Variants in FGD4 observed in about 807,000 individuals in gnomAD.
FGD4 encodes the protein FYVE, RhoGEF and PH domain-containing protein 4.
In FGD4, 42 loss-of-function variants were observed where a neutral mutation model predicts 102.0. The ratio of observed to expected loss-of-function variants is 0.41; its 90% CI spans 0.32 to 0.53. FGD4 has a LOEUF of 0.53. FGD4 is among the 20% of genes least tolerant of loss of function. The probability of loss-of-function intolerance (pLI) is 0.21; values close to 1 mark genes in which losing one functional copy is unlikely to be tolerated. For missense variants in FGD4, 902 were observed against 1,078.2 expected (o/e 0.84, Z 2.29); for synonymous variants, 380 against 375.7 (o/e 1.01, Z -0.13).
chr12:32,501,354 T>C (rs957455057), intron 1 of FGD4, among the ~76,000 whole-genome samples: 7 of 152,230 alleles, frequency 4.6e-5, no homozygotes, highest in Non-Finnish European at 8.8e-5. Context: ...TTTTATGTGG[T>C]ATATTTGGTT....
chr12:32,427,783 T>C (rs1435360436), intron 1 of FGD4, among the ~76,000 whole-genome samples: 1 of 152,242 alleles, frequency 6.6e-6, no homozygotes, highest in African/African-American at 2.4e-5. Flanking sequence ...TAGTTAGCTC[T>C]TCTTGTTGAA....
intron 1 of FGD4, among the ~76,000 whole-genome samples, chr12:32,528,216 C>T (rs186600782): frequency 3.9e-4 from 59 of 152,176 alleles, no homozygotes; most frequent in African/African-American, 1.2e-3. Context: ...GGATTACAGG[C>T]GTGAGCCACC....
chr12:32,563,203 A>AG (rs1428914045), intron 1 of FGD4, among the ~76,000 whole-genome samples: 1 of 151,036 alleles, frequency 6.6e-6, no homozygotes, highest in Admixed American at 6.6e-5. Context: ...CACTTCCCAG[A>AG]GGGGGTGGCT....
intron 4 of FGD4, among the ~76,000 whole-genome samples, chr12:32,594,160 C>T (rs372275435): frequency 1.3e-5 from 2 of 152,256 alleles, no homozygotes; most frequent in East Asian, 1.9e-4. Flanking sequence ...AGGGATGTGG[C>T]CTTTTGAGTG....
rs2137119311 is a variant in FGD4, at chr12:32,643,842, C to T, written c.*3309C>T. On this transcript the variant is annotated 3_prime_UTR_variant, in exon 17 of 17. Transcript: ENST00000534526. The stretch of plus-strand genomic sequence containing the variant: ...TTTCCTTGTCCTTACTTTTTGGAAA[C>T]AGGGTGGTTGCTTTTATTTGTTTTC... The T allele has an allele frequency of 6.6e-6, 1 of 152,084 alleles. No homozygotes were observed. Among genetic ancestry groups the T allele is most frequent in the East Asian group, 1.9e-4 (1 of 5,188 alleles). 9.4% of individuals were successfully genotyped at this position (152,084 alleles called of 1,614,324 possible).
At chr12:32,587,187 C>CAA (rs1181469038) in intron 4 of FGD4, among the ~76,000 whole-genome samples, 950 of 65,872 alleles carry the variant, frequency 0.014, 27 homozygotes, top group African/African-American at 0.04. Flanking sequence ...GAGACTCTCT[C>CAA]AAAAAAAAAA....
chr12:32,512,378 T>C (rs7135529), intron 1 of FGD4, among the ~76,000 whole-genome samples: 27,790 of 150,908 alleles, frequency 0.18, 5,324 homozygotes, highest in African/African-American at 0.48. Context: ...ACCTGGGAGA[T>C]GGAGGTTGCG....
intron 4 of FGD4, among the ~76,000 whole-genome samples, chr12:32,594,871 A>G (rs762481263): frequency 2.0e-5 from 3 of 152,004 alleles, no homozygotes; most frequent in Non-Finnish European, 4.4e-5. Context: ...CTCTACTAAA[A>G]CTACAAAAAA....
In FGD4 at chr12:32,415,296, T is replaced by C. The variant is rs556939124; in HGVS notation, c.166+15337T>C. On this transcript the variant is annotated intron_variant, in intron 1 of 16. Coordinates refer to ENST00000534526, the MANE Select transcript of FGD4 (RefSeq NM_001370298.3). Reference sequence around the variant, plus strand: ...CATAAATACTTATTAGGTTCATTTGTTCTATTCTGCAGATTAAGTCTGATA... The same window carrying C: ...CATAAATACTTATTAGGTTCATTTGCTCTATTCTGCAGATTAAGTCTGATA... Among the ~76,000 whole-genome samples, 5 of 152,298 alleles carry C rather than the reference T, an allele frequency of 3.3e-5. No individual in the cohort carries two copies. The East Asian group carries it at 9.6e-4, about 29-fold the overall frequency.
intron 1 of FGD4, among the ~76,000 whole-genome samples, chr12:32,529,124 AT>A (rs879590984): frequency 1.3e-5 from 2 of 150,720 alleles, no homozygotes; most frequent in African/African-American, 4.9e-5. Context: ...ATTATGCATC[AT>A]TTTTTTTTGA....
At chr12:32,486,024 A>G (rs1565770493) in intron 1 of FGD4, 3 of 1,461,614 alleles carry the variant, frequency 2.1e-6, no homozygotes, top group Non-Finnish European at 2.7e-6. Flanking sequence ...TAGTGTCTAA[A>G]TACAGAATGC....
intron 4 of FGD4, among the ~76,000 whole-genome samples, chr12:32,584,689 A>G (rs1178388949): frequency 6.6e-6 from 1 of 152,158 alleles, no homozygotes; most frequent in Non-Finnish European, 1.5e-5. Flanking sequence ...TTGTTAGCAT[A>G]GCACACCAGA....
At chr12:32,518,595 T>G (rs1279602028) in intron 1 of FGD4, among the ~76,000 whole-genome samples, 1 of 152,234 alleles carries the variant, frequency 6.6e-6, no homozygotes, top group East Asian at 1.9e-4. Context: ...TATGGAATTC[T>G]GAGGAGAGAA....
At chr12:32,622,234 C>T (rs1028691906) in intron 11 of FGD4, among the ~76,000 whole-genome samples, 2 of 152,256 alleles carry the variant, frequency 1.3e-5, no homozygotes, top group East Asian at 3.9e-4. Context: ...AGAATGAAGG[C>T]GTTGCTAACT....
chr12:32,426,858 G>A (rs2136428057), intron 1 of FGD4, among the ~76,000 whole-genome samples: 1 of 152,272 alleles, frequency 6.6e-6, no homozygotes, highest in South Asian at 2.1e-4. Context: ...GCATAGAGGT[G>A]TTTATAGTAT....
chr12:32,585,182 T>C (rs1286133193), intron 4 of FGD4, among the ~76,000 whole-genome samples: 4 of 147,858 alleles, frequency 2.7e-5, no homozygotes, highest in Non-Finnish European at 4.5e-5. Flanking sequence ...ACCACAGCGC[T>C]CCAGGCTAGG....
At chr12:32,539,852 A>G (rs1942656478) in intron 1 of FGD4, among the ~76,000 whole-genome samples, 1 of 152,208 alleles carries the variant, frequency 6.6e-6, no homozygotes, top group Non-Finnish European at 1.5e-5. Flanking sequence ...AATTTTGACT[A>G]TAGCAAAAAG....
chr12:32,581,845 C>A, intron 3 of FGD4, 115 bp from the exon 4 acceptor site: 1 of 1,135,002 alleles, frequency 8.8e-7, no homozygotes, highest in Non-Finnish European at 1.3e-6. Context: ...CTGAAACCAT[C>A]AGAGATAGAA....
intron 1 of FGD4, among the ~76,000 whole-genome samples, chr12:32,532,762 A>G (rs1941921503): frequency 6.6e-6 from 1 of 152,216 alleles, no homozygotes. Context: ...TCTCTGCCAC[A>G]GTGAAATTTT....
Sources: gnomAD v4.1 joint callset for allele counts (sites outside exome capture counted in the v4.1 genomes callset) on GRCh38, gnomAD v4.1.1 for gene constraint, MANE v1.5 for transcripts, NCBI Gene and HGNC (gene_info 2026-07-23, HGNC 2026-07-21) for gene names.